TRAPPC8: variants seen among roughly 807,000 people sequenced by gnomAD.
TRAPPC8 encodes the protein general sporulation gene 1 homolog.
A neutral mutation model predicts 174.3 loss-of-function variants in TRAPPC8; 54 were observed. That is an observed-to-expected ratio of 0.31 (90% CI 0.25 to 0.39). TRAPPC8 has a LOEUF of 0.39. Among genes scored for constraint, TRAPPC8 ranks in the 10% least tolerant of loss-of-function variants. The pLI is 1.00. For missense variants in TRAPPC8, 1,531 were observed against 1,699.1 expected (o/e 0.90, Z 1.74); for synonymous variants, 630 against 579.9 (o/e 1.09, Z -1.24).
intron 21 of TRAPPC8, 31 bp from the exon 22 acceptor site, chr18:31,853,976 G>A: frequency 2.0e-6 from 3 of 1,527,786 alleles, no homozygotes; most frequent in Non-Finnish European, 2.7e-6. Context: ...AGTCATTCAG[G>A]ATTTAGAAGC....
rs146894487 is a variant in TRAPPC8 at position 31,893,821 on chromosome 18, T to C, written c.1597-2955A>G. Among the ~76,000 whole-genome samples, 210 of 152,200 alleles carry C rather than the reference T, an allele frequency of 1.4e-3. 1 individual carries two copies. The highest frequency in any genetic ancestry group is 4.8e-3 in the African/African-American group (199 of 41,496). ...ATTCTTAGCACACTGCACATATGCA[T>C]GCATACATACACACACACGAAAAAA... On this transcript the variant is annotated intron_variant, in intron 11 of 28. Transcript: ENST00000283351.
intron 25 of TRAPPC8, among the ~76,000 whole-genome samples, chr18:31,848,825 C>CA (rs1484245577): frequency 2.0e-5 from 3 of 152,056 alleles, no homozygotes; most frequent in Non-Finnish European, 4.4e-5. Flanking sequence ...GCATATGATA[C>CA]AAAAGGGTGT....
chr18:31,854,225 A>C (rs941443094), intron 21 of TRAPPC8, among the ~76,000 whole-genome samples: 10 of 152,218 alleles, frequency 6.6e-5, no homozygotes, highest in Non-Finnish European at 1.0e-4. Flanking sequence ...ACAATGAGCT[A>C]TTGGTAGTAT....
intron 28 of TRAPPC8, 148 bp from the exon 29 acceptor site, chr18:31,831,137 G>A (rs1449984146): frequency 1.6e-6 from 1 of 626,428 alleles, no homozygotes; most frequent in East Asian, 2.8e-5. Flanking sequence ...TGGATCACCT[G>A]AGATCAGGAG....
intron 27 of TRAPPC8, among the ~76,000 whole-genome samples, chr18:31,834,317 C>T (rs2032579856): frequency 6.6e-6 from 1 of 152,046 alleles, no homozygotes; most frequent in Non-Finnish European, 1.5e-5. Flanking sequence ...ACCATGTTGA[C>T]TAGGCTGGTC....
intron 26 of TRAPPC8, among the ~76,000 whole-genome samples, chr18:31,841,207 A>G (rs1024329268): frequency 6.6e-6 from 1 of 152,174 alleles, no homozygotes; most frequent in African/African-American, 2.4e-5. Flanking sequence ...GAACTTGATT[A>G]TGGGTAATTT....
chr18:31,842,348 T>A (rs2033151316), intron 26 of TRAPPC8, among the ~76,000 whole-genome samples: 1 of 152,216 alleles, frequency 6.6e-6, no homozygotes, highest in Non-Finnish European at 1.5e-5. Context: ...CTGACCAATG[T>A]GCACAGGGTT....
chr18:31,911,383 G>T (rs752626366), intron 5 of TRAPPC8, among the ~76,000 whole-genome samples: 1 of 151,728 alleles, frequency 6.6e-6, no homozygotes, highest in South Asian at 2.1e-4. Flanking sequence ...CCCAGGAGGT[G>T]GAGGTTGCAG....
intron 16 of TRAPPC8, among the ~76,000 whole-genome samples, chr18:31,868,215 A>G (rs1234027762): frequency 6.6e-6 from 1 of 152,210 alleles, no homozygotes; most frequent in African/African-American, 2.4e-5. Context: ...CCTGATCCTC[A>G]TAAACGCTAT....
At chr18:31,890,227 G>A (rs189621991) in intron 12 of TRAPPC8, among the ~76,000 whole-genome samples, 117 of 152,204 alleles carry the variant, frequency 7.7e-4, no homozygotes, top group African/African-American at 2.6e-3. Flanking sequence ...AACTGGGGCC[G>A]GATAAATCTC....
intron 2 of TRAPPC8, 64 bp from the exon 3 acceptor site, chr18:31,917,731 A>C: frequency 6.9e-7 from 1 of 1,444,366 alleles, no homozygotes; most frequent in Non-Finnish European, 9.5e-7. Flanking sequence ...AACAGACAAA[A>C]TTTCAAGTCC....
At chr18:31,918,273 G>A (rs1414657794) in intron 2 of TRAPPC8, among the ~76,000 whole-genome samples, 6 of 152,180 alleles carry the variant, frequency 3.9e-5, no homozygotes, top group Non-Finnish European at 5.9e-5. Flanking sequence ...CAAACCTAGT[G>A]TTCCCACAAC....
At chr18:31,882,413 G>A (rs1342085071) in intron 12 of TRAPPC8, among the ~76,000 whole-genome samples, 4 of 152,054 alleles carry the variant, frequency 2.6e-5, no homozygotes, top group East Asian at 3.9e-4. Context: ...GGGCATGCAC[G>A]GACATAAAGA....
intron 19 of TRAPPC8, among the ~76,000 whole-genome samples, chr18:31,858,637 A>T (rs1366380029): frequency 6.6e-6 from 1 of 152,228 alleles, no homozygotes; most frequent in Non-Finnish European, 1.5e-5. Context: ...TGGGGTTTAC[A>T]TAACTTCACA....
At chr18:31,890,542 T>G (rs772488875) in intron 12 of TRAPPC8, among the ~76,000 whole-genome samples, 193 bp downstream of exon 12, 6 of 152,182 alleles carry the variant, frequency 3.9e-5, no homozygotes, top group Admixed American at 3.9e-4. Flanking sequence ...GAGAAGTAGC[T>G]TGACCAAAGT....
rs71175801 is a variant in TRAPPC8, at chr18:31,876,489, C to CAAAAAAAAAAAAAAAAAA, written c.1729-1803_1729-1786dup. ...TGGGCTACACTGCGAGACTCCATCTCAAAAAAAAAAAAAAAAAAAAAAAGA... is the reference window on the plus strand; with the variant it reads ...TGGGCTACACTGCGAGACTCCATCTCAAAAAAAAAAAAAAAAAAAAAAAAAAAAAAAAAAAAAAAAAGA... On this transcript the variant is annotated intron_variant, in intron 12 of 28. Coordinates refer to ENST00000283351, the MANE Select transcript of TRAPPC8 (RefSeq NM_014939.5). Among the ~76,000 whole-genome samples the CAAAAAAAAAAAAAAAAAA allele has an allele frequency of 5.1e-3, 247 of 48,696 alleles. 34 individuals are homozygous for CAAAAAAAAAAAAAAAAAA. The highest frequency in any genetic ancestry group is 0.011 in the African/African-American group (117 of 10,620). The allele number at this position is 48,696 out of a possible 152,430, so 31.9% of individuals were successfully genotyped here.
At chr18:31,845,619 C>G (rs2033358735) in intron 26 of TRAPPC8, among the ~76,000 whole-genome samples, 1 of 151,914 alleles carries the variant, frequency 6.6e-6, no homozygotes, top group Non-Finnish European at 1.5e-5. Context: ...TAAATAACAA[C>G]AAAGCAAATA....
rs1441373112 is a variant in TRAPPC8, at chr18:31,890,873, A to AT, written c.1597-8_1597-7insA. The AT allele has an allele frequency of 6.3e-7, 1 of 1,597,380 alleles. No homozygotes were observed. The highest frequency in any genetic ancestry group is 1.1e-5 in the South Asian group (1 of 87,910). Reference sequence around the variant, plus strand: ...CACTTCGAAGATCAGAATCCTAGTGAATGTTTAAAAGAGAAAAAGGTTAGT... The same window carrying AT: ...CACTTCGAAGATCAGAATCCTAGTGATATGTTTAAAAGAGAAAAAGGTTAGT... On this transcript the variant is annotated splice_polypyrimidine_tract_variant and splice_region_variant and intron_variant, in intron 11 of 28. Coordinates refer to ENST00000283351, the MANE Select transcript of TRAPPC8 (RefSeq NM_014939.5).
intron 2 of TRAPPC8, among the ~76,000 whole-genome samples, chr18:31,930,734 C>T (rs2037811102): frequency 1.3e-5 from 2 of 151,598 alleles, no homozygotes; most frequent in Non-Finnish European, 2.9e-5. Flanking sequence ...GAGTTTAACA[C>T]CAGCCTGGGG....
Sources: gnomAD v4.1 joint callset for allele counts (sites outside exome capture counted in the v4.1 genomes callset) on GRCh38, gnomAD v4.1.1 for gene constraint, MANE v1.5 for transcripts, NCBI Gene and HGNC (gene_info 2026-07-23, HGNC 2026-07-21) for gene names.